Variants in PRKX observed in about 807,000 individuals in gnomAD.
PRKX encodes cAMP-dependent protein kinase catalytic subunit PRKX.
A neutral mutation model predicts 22.0 loss-of-function variants in PRKX; 12 were observed. The observed-to-expected ratio is 0.54, with a 90% CI of 0.35 to 0.88. PRKX has a LOEUF of 0.88. Ranked by LOEUF, PRKX falls within the 40% of genes least tolerant of loss-of-function variation. The pLI, the probability that PRKX is intolerant of heterozygous loss-of-function variation, is 0.01. For synonymous variants in PRKX, 134 were observed against 137.7 expected, an observed-to-expected ratio of 0.97 and a Z score of 0.19; for missense variants, 217 against 308.0, an observed-to-expected ratio of 0.70 and a Z score of 2.21.
intron 3 of PRKX, among the ~76,000 whole-genome samples, chrX:3,649,399 A>G (rs997292480): frequency 2.9e-5 from 3 of 104,069 alleles, no homozygotes; most frequent in African/African-American, 1.1e-4. Flanking sequence ...TCTAGATAAC[A>G]TAAAGTGTGT....
rs145883959 is a variant in PRKX, at chrX:3,661,622, G to A, written c.336-6210C>T. ...AAAAAAAAAAAAAGACTTTGCTTAC[G>A]TGGACAGAATTTGTACAGAGCTGGG... On this transcript the variant is annotated intron_variant, in intron 2 of 8. Transcript: ENST00000262848. Among the ~76,000 whole-genome samples, 23 of 110,150 alleles carry A rather than the reference G, an allele frequency of 2.1e-4. No individual in the cohort carries two copies. The South Asian group carries it at 5.5e-3, about 26-fold the overall frequency.
In PRKX at chrX:3,663,630, T is replaced by TAA. The variant is rs780899033; in HGVS notation, c.336-8220_336-8219dup. On this transcript the variant is annotated intron_variant, in intron 2 of 8. Transcript: ENST00000262848. The stretch of plus-strand genomic sequence containing the variant: ...GATGAGACGGCAAGACCACATCTCT[T>TAA]AAAAAAAAAAAAAAAAAAAAAAGTT... 2.3e-3 allele frequency among the ~76,000 whole-genome samples: 153 copies of TAA among 66,192 alleles called. 1 individual carries two copies. The highest frequency in any genetic ancestry group is 8.0e-3 in the African/African-American group (136 of 16,896). The allele number at this position is 66,192 out of a possible 115,157, so 57.5% of individuals were successfully genotyped here.
At chrX:3,648,605 C>CGTGTGTGTGTGTGT (rs1569049318) in intron 3 of PRKX, among the ~76,000 whole-genome samples, 1 of 46,169 alleles carries the variant, frequency 2.2e-5, no homozygotes, top group Non-Finnish European at 3.8e-5. Context: ...TCTCTCTACT[C>CGTGTGTGTGTGTGT]CTGTGTGTGT....
At chrX:3,634,574 G>A (rs1013092160) in intron 4 of PRKX, among the ~76,000 whole-genome samples, 4 of 111,628 alleles carry the variant, frequency 3.6e-5, no homozygotes, top group Non-Finnish European at 5.6e-5. Flanking sequence ...ACTAAACAAC[G>A]TGCCACGCAG....
chrX:3,628,594 A>T (rs1926707693), intron 4 of PRKX, among the ~76,000 whole-genome samples: 1 of 110,872 alleles, frequency 9.0e-6, no homozygotes, highest in African/African-American at 3.3e-5. Flanking sequence ...ATATTAGCTG[A>T]GTGTGGTGGT....
At chrX:3,689,856 A>G (rs917493303) in intron 1 of PRKX, among the ~76,000 whole-genome samples, 1 of 111,439 alleles carries the variant, frequency 9.0e-6, no homozygotes, top group Non-Finnish European at 1.9e-5. Flanking sequence ...GGAAGCCTGT[A>G]GTCCCAGCTA....
At chrX:3,707,313 C>T (rs1928705245) in intron 1 of PRKX, among the ~76,000 whole-genome samples, 1 of 111,686 alleles carries the variant, frequency 9.0e-6, no homozygotes, top group African/African-American at 3.3e-5. Flanking sequence ...CAGCTTGTCC[C>T]TGTCTCTGCC....
rs755639041 is a variant in PRKX, at chrX:3,655,184, G to A, written c.564C>T (p.Leu188=). ...GCTTCTTGGCGAACCCAAAGTCCGTGAGCTTAATGTGGCCATCCCTATCCA... is the reference window on the plus strand; with the variant it reads ...GCTTCTTGGCGAACCCAAAGTCCGTAAGCTTAATGTGGCCATCCCTATCCA... ...ILLDRDGHIK[L]TDFGFAKKLV... Residue 188 remains leucine (L), a synonymous_variant, in exon 3 of 9, where the codon CTC becomes CTT. Transcript: ENST00000262848. The A allele has an allele frequency of 3.3e-6, 4 of 1,210,223 alleles. No homozygotes were observed. The highest frequency in any genetic ancestry group is 4.5e-6 in the Non-Finnish European group (4 of 895,323).
chrX:3,665,422 C>A (rs1453595323), intron 2 of PRKX, among the ~76,000 whole-genome samples: 1 of 110,299 alleles, frequency 9.1e-6, no homozygotes, highest in African/African-American at 3.3e-5. Context: ...GTTGCAGTGA[C>A]CCAAGATCAC....
chrX:3,608,363 C>T lies in PRKX; in HGVS notation c.*606G>A, dbSNP rs1000426417. 2.7e-5 allele frequency: 3 copies of T among 110,245 alleles called. No individual in the cohort carries two copies. The highest frequency in any genetic ancestry group is 9.8e-5 in the Admixed American group (1 of 10,198). 9.1% of individuals were successfully genotyped at this position (110,245 alleles called of 1,213,427 possible). A position where few individuals can be genotyped will look rare whatever the true frequency, so the allele number is the denominator to read the frequency against. On this transcript the variant is annotated 3_prime_UTR_variant, in exon 9 of 9. Coordinates refer to ENST00000262848, the MANE Select transcript of PRKX (RefSeq NM_005044.5). ...CACTAAAGATACTGAAGGTAGACCTCCCCATGATATTTTCTTCCCCAAAAC... is the reference window on the plus strand; with the variant it reads ...CACTAAAGATACTGAAGGTAGACCTTCCCATGATATTTTCTTCCCCAAAAC...
intron 4 of PRKX, chrX:3,641,369 C>A (rs755480721): frequency 1.7e-5 from 2 of 119,591 alleles, no homozygotes; most frequent in African/African-American, 6.5e-5. Context: ...CCTGTGCCCC[C>A]CTGAGCTCTG....
chrX:3,617,224 CATGT>C (rs749426001), intron 6 of PRKX, among the ~76,000 whole-genome samples: 15 of 104,572 alleles, frequency 1.4e-4, no homozygotes, highest in Non-Finnish European at 2.6e-4. Flanking sequence ...AATATATACA[CATGT>C]ATTATATATA....
intron 4 of PRKX, among the ~76,000 whole-genome samples, chrX:3,637,261 A>C (rs6641588): frequency 2.7e-5 from 3 of 110,273 alleles, no homozygotes; most frequent in Non-Finnish European, 3.8e-5. Flanking sequence ...GTTGTCTAAG[A>C]GGGGTGGACA....
At chrX:3,647,174 AAC>A (rs2146577235) in intron 3 of PRKX, among the ~76,000 whole-genome samples, 1 of 109,253 alleles carries the variant, frequency 9.2e-6, no homozygotes, top group Admixed American at 9.9e-5. Flanking sequence ...CTAAATGTGT[AAC>A]ACATACTAAT....
rs969131891 is a variant in PRKX, at chrX:3,606,392, G to A, written c.*2577C>T. 8.9e-6 allele frequency: 1 copy of A among 111,872 alleles called. No individual in the cohort carries two copies. The highest frequency in any genetic ancestry group is 3.3e-5 in the African/African-American group (1 of 30,741). The allele number at this position is 111,872 out of a possible 1,213,427, so 9.2% of individuals were successfully genotyped here. A position where few individuals can be genotyped will look rare whatever the true frequency, so the allele number is the denominator to read the frequency against. On this transcript the variant is annotated 3_prime_UTR_variant, in exon 9 of 9. Transcript: ENST00000262848. Reference sequence around the variant, plus strand: ...CTATTTGTATTTTTTTTATTTTTATGTTTTGAGACGGAGTCTTGCTCTGTG... The same window carrying A: ...CTATTTGTATTTTTTTTATTTTTATATTTTGAGACGGAGTCTTGCTCTGTG...
chrX:3,705,019 C>T (rs764370406), intron 1 of PRKX, among the ~76,000 whole-genome samples: 1 of 111,945 alleles, frequency 8.9e-6, no homozygotes, highest in South Asian at 3.8e-4. Context: ...TAATGATAGA[C>T]CAGCGCATTG....
At chrX:3,648,450 A>T (rs1299063023) in intron 3 of PRKX, among the ~76,000 whole-genome samples, 1 of 108,933 alleles carries the variant, frequency 9.2e-6, no homozygotes, top group African/African-American at 3.3e-5. Flanking sequence ...TTTTAAAGGG[A>T]GTTATCTGTT....
At chrX:3,644,198 G>T (rs1927139962) in intron 3 of PRKX, among the ~76,000 whole-genome samples, 1 of 85,454 alleles carries the variant, frequency 1.2e-5, no homozygotes, top group African/African-American at 4.7e-5. Context: ...AGGAGTTTCA[G>T]ACCAGCTTGG....
chrX:3,696,572 T>C (rs140582523), intron 1 of PRKX, among the ~76,000 whole-genome samples: 156 of 111,968 alleles, frequency 1.4e-3, no homozygotes, highest in African/African-American at 4.8e-3. Context: ...AACAGTTGCA[T>C]GGGTACTCGA....
Sources: allele counts gnomAD v4.1 joint callset (sites outside exome capture counted in the v4.1 genomes callset), GRCh38; gene constraint gnomAD v4.1.1; transcripts MANE v1.5; gene names NCBI Gene and HGNC (gene_info 2026-07-23, HGNC 2026-07-21).